Variants in PPL observed in about 807,000 individuals in gnomAD.
PPL encodes periplakin, also known as 190 kDa paraneoplastic pemphigus antigen.
A neutral mutation model predicts 194.4 loss-of-function variants in PPL; 198 were observed. The ratio of observed to expected loss-of-function variants is 1.02; its 90% CI spans 0.91 to 1.15. PPL has a LOEUF of 1.15. Among genes scored for constraint, PPL ranks in the 50% most tolerant of loss-of-function variants. The pLI is 0.00. For missense variants in PPL, 2,885 were observed against 2,294.8 expected, an observed-to-expected ratio of 1.26 and a Z score of -5.25; for synonymous variants, 1,220 against 972.4, an observed-to-expected ratio of 1.25 and a Z score of -4.74.
At position 4,888,212 on chromosome 16, in the gene PPL, C is replaced by G; in HGVS notation, c.2404G>C (p.Glu802Gln). Residue 802 changes from glutamate to glutamine, a missense_variant, in exon 20 of 22, where the codon GAG (glutamate) becomes CAG (glutamine). Glu to Gln is a conservative substitution (Grantham distance 29, BLOSUM62 2). Transcript: ENST00000345988. ...QQYQQAVKDY[E>Q]LEAEKLRSLL... Reference sequence around the variant, plus strand: ...GACCTTAGTTTTTCTGCTTCTAACTCATAGTCCTGCATGAGGGAGAGACAT... The same window carrying G: ...GACCTTAGTTTTTCTGCTTCTAACTGATAGTCCTGCATGAGGGAGAGACAT... 6.3e-7 allele frequency: 1 copy of G among 1,595,958 alleles called. No individual in the cohort carries two copies. The highest frequency in any genetic ancestry group is 1.1e-5 in the South Asian group (1 of 90,682).
intron 18 of PPL, 101 bp from the exon 19 acceptor site, chr16:4,889,162 T>A: frequency 1.1e-6 from 1 of 930,788 alleles, no homozygotes; most frequent in Non-Finnish European, 1.7e-6. Context: ...AATTTATTCT[T>A]CTCTAGCACA....
intron 1 of PPL, among the ~76,000 whole-genome samples, chr16:4,929,012 TTAAAAAAAAAAAAAA>T (rs2089194443): frequency 1.2e-5 from 1 of 81,054 alleles, no homozygotes; most frequent in Non-Finnish European, 2.3e-5. Flanking sequence ...AAACTCTACC[TTAAAAAAAAAAAAAA>T]AAAAAAAAAA....
intron 1 of PPL, among the ~76,000 whole-genome samples, chr16:4,928,712 G>A (rs1433748485): frequency 6.6e-6 from 1 of 152,178 alleles, no homozygotes; most frequent in African/African-American, 2.4e-5. Context: ...TTCAATCTCA[G>A]ATAAGAAACT....
chr16:4,931,255 T>C (rs1596592534), intron 1 of PPL, among the ~76,000 whole-genome samples: 1 of 152,266 alleles, frequency 6.6e-6, no homozygotes, highest in South Asian at 2.1e-4. Context: ...TCCCAGCTTC[T>C]TGGGAGGCTG....
Position 4,891,817 on chromosome 16 carries a change from C to G in PPL, c.1962G>C (p.Glu654Asp), listed in dbSNP as rs537663663. 40 of 1,610,572 alleles carry G rather than the reference C, an allele frequency of 2.5e-5. No individual in the cohort carries two copies. In the Admixed American group the frequency reaches 3.5e-4, roughly 14 times the overall value. Residue 654 changes from glutamate to aspartate, a missense_variant, in exon 16 of 22, where the codon GAG becomes GAC. By Grantham distance (45) the Glu-to-Asp change is conservative. Coordinates refer to ENST00000345988, the MANE Select transcript of PPL (RefSeq NM_002705.5). The stretch of plus-strand genomic sequence containing the variant: ...ACTTGGGCCCTAGACTCACCGCCAG[C>G]TCCTGCCCCTTGCTGTCCAGGACAC... ...SSRVLDSKGQ[E>D]LAAMACELQA...
At chr16:4,898,835 A>G (rs2088484169) in intron 8 of PPL, among the ~76,000 whole-genome samples, 178 bp downstream of exon 8, 1 of 152,234 alleles carries the variant, frequency 6.6e-6, no homozygotes. Flanking sequence ...AGAAGTGTCA[A>G]CGGATCAGGA....
At chr16:4,889,238 GTTGTTTTTTTT>G (rs928819888) in intron 18 of PPL, among the ~76,000 whole-genome samples, 177 bp from the exon 19 acceptor site, 12 of 21,804 alleles carry the variant, frequency 5.5e-4, no homozygotes, top group African/African-American at 8.9e-4. Context: ...TTTTGTTGTT[GTTGTTTTTTTT>G]TTTTTTTTTT....
At position 4,883,345 on chromosome 16, in the gene PPL, GC is replaced by G; in HGVS notation, c.*38del. ...GGAGGTCACTGCGTCGTAGGAGAGG[GC>G]CAGCGTCTGCCGTTACGAAGAGTTG... is the stretch of plus-strand genomic sequence containing the variant. On this transcript the variant is annotated 3_prime_UTR_variant, in exon 22 of 22. Coordinates refer to ENST00000345988, the MANE Select transcript of PPL (RefSeq NM_002705.5). The surrounding 1 kb of genome is among the most constrained non-coding windows in gnomAD (Gnocchi z 4.8). The G allele has an allele frequency of 6.2e-7, 1 of 1,610,028 alleles. No individual in the cohort carries two copies.
At chr16:4,924,396 G>C (rs1355338522) in intron 1 of PPL, among the ~76,000 whole-genome samples, 1 of 152,156 alleles carries the variant, frequency 6.6e-6, no homozygotes. Context: ...GAGATTCTAG[G>C]TGATTCTGGG....
intron 1 of PPL, among the ~76,000 whole-genome samples, chr16:4,917,637 G>A (rs900602011): frequency 7.2e-5 from 11 of 151,854 alleles, no homozygotes; most frequent in Admixed American, 5.9e-4. Context: ...GTGGTGGCTC[G>A]CACCTATAAT....
chr16:4,885,691 C>T lies in PPL; in HGVS notation c.2964G>A (p.Gly988=), dbSNP rs370559904. 1.2e-6 allele frequency: 2 copies of T among 1,613,474 alleles called. No individual in the cohort carries two copies. Among genetic ancestry groups the T allele is most frequent in the Non-Finnish European group, 1.7e-6 (2 of 1,179,990 alleles). ...CCTCCTTGACCACGTACTCCTGCCC[C>T]CCGTCTCTGGTCTCCTGCTCCAGGG... ...LRALEQETRD[G]GQEYVVKEVL... Residue 988 remains glycine (G), a synonymous_variant, in exon 22 of 22, where the codon GGG becomes GGA. Coordinates refer to ENST00000345988, the MANE Select transcript of PPL (RefSeq NM_002705.5). This position sits in a 1 kb window ranked among gnomAD's most constrained non-coding sequence, Gnocchi z 6.3.
At chr16:4,904,615 A>C (rs546331073) in intron 2 of PPL, among the ~76,000 whole-genome samples, 1 of 152,236 alleles carries the variant, frequency 6.6e-6, no homozygotes, top group Non-Finnish European at 1.5e-5. Flanking sequence ...GTCCTGAGGC[A>C]GGAGAGAGCG....
intron 1 of PPL, among the ~76,000 whole-genome samples, chr16:4,926,997 A>G (rs1431811636): frequency 6.6e-6 from 1 of 152,080 alleles, no homozygotes; most frequent in East Asian, 1.9e-4. Context: ...ATGAAAATAT[A>G]CTCAATCCAG....
At chr16:4,899,672 A>G (rs188835721) in intron 6 of PPL, among the ~76,000 whole-genome samples, 6 of 132,206 alleles carry the variant, frequency 4.5e-5, no homozygotes, top group Admixed American at 1.6e-4. Context: ...AGCAAACGAA[A>G]CACACAAAAC....
chr16:4,924,873 C>T (rs985065486), intron 1 of PPL, among the ~76,000 whole-genome samples: 6 of 152,200 alleles, frequency 3.9e-5, no homozygotes, highest in African/African-American at 4.8e-5. Context: ...TTAGCAACAT[C>T]GGAGGGGCCA....
intron 2 of PPL, among the ~76,000 whole-genome samples, chr16:4,906,353 T>C (rs1004580137): frequency 2.0e-5 from 3 of 152,106 alleles, no homozygotes; most frequent in Non-Finnish European, 4.4e-5. Flanking sequence ...GCCTCCCAAG[T>C]AACTGGGACT....
Position 4,890,177 on chromosome 16 carries a change from A to T in PPL, c.2313+7T>A. The T allele has an allele frequency of 1.9e-6, 3 of 1,614,056 alleles. No homozygotes were observed. Among genetic ancestry groups the T allele is most frequent in the East Asian group, 2.2e-5 (1 of 44,884 alleles). On this transcript the variant is annotated splice_region_variant and intron_variant, in intron 18 of 21. Coordinates refer to ENST00000345988, the MANE Select transcript of PPL (RefSeq NM_002705.5). ...TGTGCCTGGGGCTGCGGAAACGGCC[A>T]TCTCACCTTCTGGTTCTTCAGCTTG...
Position 4,895,603 on chromosome 16 carries a change from C to T in PPL, c.1086G>A (p.Arg362=), listed in dbSNP as rs1341150618. 1.9e-6 allele frequency: 3 copies of T among 1,613,938 alleles called. No individual in the cohort carries two copies. The highest frequency in any genetic ancestry group is 1.7e-5 in the Admixed American group (1 of 60,028). ...KDRYQIELLL[R]ELDDQEKVLD... ...CTGGGCCATCGCTCACATCCAGCTC[C>T]CGCAGCAGCAGCTCAATCTGGTACC... The change falls in exon 10 of 22, where the codon CGG becomes CGA. Residue 362 remains arginine (R), a synonymous_variant. Coordinates refer to ENST00000345988, the MANE Select transcript of PPL (RefSeq NM_002705.5).
In PPL at chr16:4,901,025, T is replaced by C. The variant is rs745776353; in HGVS notation, c.503A>G (p.His168Arg). 1 of 1,614,204 alleles carries C rather than the reference T, an allele frequency of 6.2e-7. No homozygotes were observed. The highest frequency in any genetic ancestry group is 1.7e-5 in the Admixed American group (1 of 60,024). ...LPLVDHQVEE[H>R]NIFHNEVKAI... ...CTTGACCTCATTGTGGAAGATGTTA[T>C]GCTCCTCCACTTGGTGGTCCACCAG... The change falls in exon 5 of 22, where the codon CAT (histidine) becomes CGT (arginine). Residue 168 changes from histidine (H) to arginine (R), a missense_variant. Transcript: ENST00000345988.
Sources: gnomAD v4.1 joint callset for allele counts (sites outside exome capture counted in the v4.1 genomes callset) on GRCh38, gnomAD v4.1.1 for gene constraint, Gnocchi (gnomAD v3.1) non-coding constraint, MANE v1.5 for transcripts, NCBI Gene and HGNC (gene_info 2026-07-23, HGNC 2026-07-21) for gene names.